TMEM117: variants seen among roughly 807,000 people sequenced by gnomAD.
The protein encoded by TMEM117 is transmembrane protein 117.
A neutral mutation model predicts 52.4 loss-of-function variants in TMEM117; 27 were observed. That is an observed-to-expected ratio of 0.51 (90% CI 0.38 to 0.71). The LOEUF is 0.71. Among genes scored for constraint, TMEM117 ranks in the 30% least tolerant of loss-of-function variants. The probability of loss-of-function intolerance (pLI) is 0.00; values close to 1 mark genes in which losing one functional copy is unlikely to be tolerated. For synonymous variants in TMEM117, 215 were observed against 206.3 expected (o/e 1.04, Z -0.36); for missense variants, 556 against 630.5 (o/e 0.88, Z 1.26).
chr12:44,309,231 C>G (rs1476657711), intron 6 of TMEM117, among the ~76,000 whole-genome samples: 8 of 151,948 alleles, frequency 5.3e-5, no homozygotes, highest in African/African-American at 1.9e-4. Flanking sequence ...CAGCTGAAGC[C>G]CAGGGAGGTT....
chr12:44,016,095 A>G (rs1256087788), intron 3 of TMEM117, among the ~76,000 whole-genome samples: 1 of 151,390 alleles, frequency 6.6e-6, no homozygotes. Context: ...CCTCCTCCCA[A>G]CTCCCTTCAG....
intron 2 of TMEM117, among the ~76,000 whole-genome samples, chr12:43,891,361 T>A (rs1944099977): frequency 7.7e-6 from 1 of 129,114 alleles, no homozygotes; most frequent in South Asian, 2.7e-4. Flanking sequence ...GGGAAATACC[T>A]CTTGAATTTT....
At chr12:43,875,358 C>G (rs1329791653) in intron 2 of TMEM117, among the ~76,000 whole-genome samples, 1 of 152,068 alleles carries the variant, frequency 6.6e-6, no homozygotes, top group African/African-American at 2.4e-5. Context: ...AGCTGAATGT[C>G]ACTATCAACA....
intron 5 of TMEM117, among the ~76,000 whole-genome samples, chr12:44,240,921 G>A (rs757066729): frequency 3.3e-5 from 5 of 151,960 alleles, no homozygotes; most frequent in Non-Finnish European, 5.9e-5. Flanking sequence ...GATAGGTGTT[G>A]ACAAATTGCT....
chr12:44,192,361 A>G (rs887610321), intron 4 of TMEM117, among the ~76,000 whole-genome samples: 9 of 152,146 alleles, frequency 5.9e-5, no homozygotes, highest in African/African-American at 2.2e-4. Context: ...GGAGATTACC[A>G]TTTTCCAAAT....
chr12:44,028,496 A>T (rs755766486), intron 3 of TMEM117, among the ~76,000 whole-genome samples: 1 of 152,158 alleles, frequency 6.6e-6, no homozygotes, highest in Non-Finnish European at 1.5e-5. Flanking sequence ...TTTGCTAATA[A>T]AACAGTTTGC....
At chr12:44,351,051 A>C (rs1416469061) in intron 6 of TMEM117, among the ~76,000 whole-genome samples, 1 of 152,018 alleles carries the variant, frequency 6.6e-6, no homozygotes, top group Non-Finnish European at 1.5e-5. Flanking sequence ...TTTGAATAAA[A>C]ACCATTTTTA....
chr12:43,938,107 G>T (rs935668998), intron 2 of TMEM117, among the ~76,000 whole-genome samples: 1 of 152,030 alleles, frequency 6.6e-6, no homozygotes, highest in African/African-American at 2.4e-5. Flanking sequence ...CTGACATCAG[G>T]GGGAGGGTGT....
chr12:44,149,400 A>G (rs1339178561), intron 4 of TMEM117, among the ~76,000 whole-genome samples: 1 of 152,232 alleles, frequency 6.6e-6, no homozygotes, highest in Non-Finnish European at 1.5e-5. Context: ...CAACTCTAGA[A>G]CAGAATAGAG....
chr12:43,888,276 C>T (rs1944033408), intron 2 of TMEM117, among the ~76,000 whole-genome samples: 1 of 152,144 alleles, frequency 6.6e-6, no homozygotes, highest in Non-Finnish European at 1.5e-5. Flanking sequence ...TCTAAAGGCT[C>T]AGTAAAGACT....
chr12:44,267,357 T>C (rs1037003584), intron 5 of TMEM117, among the ~76,000 whole-genome samples: 1 of 152,130 alleles, frequency 6.6e-6, no homozygotes, highest in Non-Finnish European at 1.5e-5. Flanking sequence ...TATTTAAAAA[T>C]AGTTAAGGTA....
chr12:44,373,771 CTTTTTTTT>C (rs142046499), intron 6 of TMEM117, among the ~76,000 whole-genome samples: 3 of 60,038 alleles, frequency 5.0e-5, no homozygotes, highest in Admixed American at 2.8e-4. Context: ...TGTCCATTTC[CTTTTTTTT>C]TTTTTTTTTT....
chr12:44,241,722 G>A (rs1049305757), intron 5 of TMEM117, among the ~76,000 whole-genome samples: 1 of 151,788 alleles, frequency 6.6e-6, no homozygotes, highest in Admixed American at 6.6e-5. Context: ...TTTAAAGCTG[G>A]CAAAACAGTA....
chr12:44,115,393 C>T (rs1388666675), intron 3 of TMEM117, among the ~76,000 whole-genome samples: 2 of 152,108 alleles, frequency 1.3e-5, no homozygotes, highest in Non-Finnish European at 2.9e-5. Context: ...ACAAACATGG[C>T]ACATGTATAC....
intron 6 of TMEM117, among the ~76,000 whole-genome samples, chr12:44,353,066 A>G (rs1951588786): frequency 6.6e-6 from 1 of 151,906 alleles, no homozygotes; most frequent in Non-Finnish European, 1.5e-5. Context: ...GCATTTTTTC[A>G]TGTGTTTTTT....
chr12:44,299,728 A>G lies in TMEM117; in HGVS notation c.757A>G (p.Ile253Val). Reference sequence around the variant, plus strand: ...TTTTATCTTGGTCTTTGACCTTCTTATTGTGATGCAGGTAAGTGTATTTCC... The same window carrying G: ...TTTTATCTTGGTCTTTGACCTTCTTGTTGTGATGCAGGTAAGTGTATTTCC... ...ASFILVFDLL[I>V]VMQDWEFPHF... The change falls in exon 6 of 8, where the codon ATT becomes GTT. Residue 253 changes from isoleucine (I) to valine (V), a missense_variant. Around this residue, in one of 3 missense-constraint regions of TMEM117, gnomAD observed 328 missense variants for 371.4 expected, o/e 0.88. Coordinates refer to ENST00000266534, the MANE Select transcript of TMEM117 (RefSeq NM_032256.3). The G allele has an allele frequency of 6.2e-7, 1 of 1,614,004 alleles. No homozygotes were observed. Among genetic ancestry groups the G allele is most frequent in the Non-Finnish European group, 8.5e-7 (1 of 1,179,962 alleles).
At chr12:43,880,218 T>C (rs1943872419) in intron 2 of TMEM117, among the ~76,000 whole-genome samples, 1 of 152,190 alleles carries the variant, frequency 6.6e-6, no homozygotes, top group African/African-American at 2.4e-5. Context: ...AATTATAAAT[T>C]TACCCACTAT....
At chr12:44,152,041 A>G (rs1052660576) in intron 4 of TMEM117, among the ~76,000 whole-genome samples, 5 of 119,206 alleles carry the variant, frequency 4.2e-5, no homozygotes, top group African/African-American at 1.7e-4. Flanking sequence ...AATATATATT[A>G]TATTAATCAT....
At chr12:43,797,240 A>T in the TMEM117 span, 2 of 1,506,122 alleles carry the variant, frequency 1.3e-6, no homozygotes, top group South Asian at 2.6e-5. Context: ...AAGTAAGAAT[A>T]TAGGGCTGAT....
Sources: allele counts gnomAD v4.1 joint callset (sites outside exome capture counted in the v4.1 genomes callset), GRCh38; gene constraint gnomAD v4.1.1; regional missense constraint gnomAD v4.1.1; transcripts MANE v1.5; gene names NCBI Gene and HGNC (gene_info 2026-07-23, HGNC 2026-07-21).